The following EML6 variants were observed in gnomAD, a reference collection of about 807,000 sequenced individuals.
EML6 encodes echinoderm microtubule-associated protein-like 6.
In EML6, 154 loss-of-function variants were observed where a neutral mutation model predicts 240.1. The observed-to-expected ratio is 0.64, with a 90% CI of 0.56 to 0.73. EML6 has a LOEUF of 0.73. EML6 is among the 30% of genes least tolerant of loss of function. The pLI is 0.00. For missense variants in EML6, 2,964 were observed against 2,474.6 expected, an observed-to-expected ratio of 1.20 and a Z score of -4.20; for synonymous variants, 1,148 against 899.0, an observed-to-expected ratio of 1.28 and a Z score of -4.95.
intron 22 of EML6, among the ~76,000 whole-genome samples, chr2:54,902,144 A>G (rs1426332723): frequency 4.0e-5 from 6 of 150,422 alleles, no homozygotes; most frequent in Non-Finnish European, 8.9e-5. Context: ...AGCAAGTTGT[A>G]TGTAAGGCTT....
At chr2:54,918,056 T>G (rs1425309051) in intron 26 of EML6, among the ~76,000 whole-genome samples, 2 of 152,222 alleles carry the variant, frequency 1.3e-5, no homozygotes, top group Non-Finnish European at 2.9e-5. Flanking sequence ...ATCTCAAAAA[T>G]GTTCAGATTA....
intron 11 of EML6, among the ~76,000 whole-genome samples, chr2:54,855,204 G>A (rs1670307309): frequency 6.6e-6 from 1 of 152,172 alleles, no homozygotes; most frequent in African/African-American, 2.4e-5. Flanking sequence ...AGGCTACACA[G>A]GAAGTATGAT....
At chr2:54,931,529 G>A (rs773637791) in intron 28 of EML6, among the ~76,000 whole-genome samples, 31 of 152,210 alleles carry the variant, frequency 2.0e-4, no homozygotes, top group Non-Finnish European at 3.2e-4. Flanking sequence ...AATCAGGGCC[G>A]TTGCCCAGCA....
chr2:54,961,807 C>T (rs932502939), intron 35 of EML6, among the ~76,000 whole-genome samples: 1 of 151,750 alleles, frequency 6.6e-6, no homozygotes, highest in African/African-American at 2.4e-5. Context: ...GAGTTCGAGA[C>T]CACCTGGCCA....
chr2:54,954,136 C>T lies in EML6; in HGVS notation c.4466C>T (p.Thr1489Ile), dbSNP rs1480596000. The change falls in exon 32 of 42, where the codon ACT (threonine) becomes ATT (isoleucine). Residue 1489 changes from threonine (T) to isoleucine (I), a missense_variant. By Grantham distance (89) the Thr-to-Ile change is moderately conservative. Coordinates refer to ENST00000356458, the MANE Select transcript of EML6 (RefSeq NM_001039753.4). ...SVGVDPEHTI[T>I]VWRWQEGAKV... ...GGAGTGGACCCTGAGCACACCATCA[C>T]TGTCTGGCGATGGCAGGAAGGTAAA... 6.4e-7 allele frequency: 1 copy of T among 1,551,298 alleles called. No homozygotes were observed. Among genetic ancestry groups the T allele is most frequent in the Admixed American group, 2.0e-5 (1 of 50,946 alleles).
intron 16 of EML6, among the ~76,000 whole-genome samples, chr2:54,876,711 TTAAC>T (rs1356268654): frequency 6.6e-6 from 1 of 152,220 alleles, no homozygotes; most frequent in Non-Finnish European, 1.5e-5. Flanking sequence ...CTGTTTATAA[TTAAC>T]ACATAATTGC....
At chr2:54,804,249 TTTAA>T (rs1670345962) in intron 2 of EML6, among the ~76,000 whole-genome samples, 1 of 152,250 alleles carries the variant, frequency 6.6e-6, no homozygotes, top group Non-Finnish European at 1.5e-5. Flanking sequence ...GACTGGCATA[TTTAA>T]TTATCCTAAA....
At chr2:54,962,961 T>G (rs1676588342) in intron 36 of EML6, among the ~76,000 whole-genome samples, 1 of 152,246 alleles carries the variant, frequency 6.6e-6, no homozygotes. Flanking sequence ...AAATCATGTT[T>G]TCCCTGGATG....
At chr2:54,797,166 A>AAAAAAAAAAAAAAAAAAAAAAAAAAC (rs1669837148) in intron 2 of EML6, among the ~76,000 whole-genome samples, 1 of 100,400 alleles carries the variant, frequency 1.0e-5, no homozygotes, top group Non-Finnish European at 2.3e-5. Context: ...CTCCATCTCA[A>AAAAAAAAAAAAAAAAAAAAAAAAAAC]AAAAAAAAAA....
At position 54,856,143 on chromosome 2, in the gene EML6, G is replaced by A. The variant is rs1037250603; in HGVS notation, c.1657+2288G>A. 5.9e-5 allele frequency among the ~76,000 whole-genome samples: 9 copies of A among 152,142 alleles called. No individual in the cohort carries two copies. In the South Asian group the frequency reaches 6.2e-4, roughly 11 times the overall value. ...ATGACTGCTACTGTACTATGTTTAC[G>A]TAGCCAAACCAATTTGTTTTTCTCA... is the stretch of plus-strand genomic sequence containing the variant. On this transcript the variant is annotated intron_variant, in intron 11 of 41. Transcript: ENST00000356458.
chr2:54,818,162 A>T (rs1668162010), intron 4 of EML6, among the ~76,000 whole-genome samples: 1 of 152,240 alleles, frequency 6.6e-6, no homozygotes, highest in African/African-American at 2.4e-5. Context: ...TGGAAAAAGT[A>T]GAAAACTAAA....
intron 2 of EML6, among the ~76,000 whole-genome samples, chr2:54,781,607 A>C (rs1239491822): frequency 1.3e-5 from 2 of 152,204 alleles, no homozygotes; most frequent in Admixed American, 1.3e-4. Flanking sequence ...AATACTAAAA[A>C]ACATACAAGT....
chr2:54,895,959 C>T (rs1672740176), intron 21 of EML6, among the ~76,000 whole-genome samples: 1 of 152,208 alleles, frequency 6.6e-6, no homozygotes, highest in Admixed American at 6.5e-5. Flanking sequence ...GGAATCATAA[C>T]ATTCCATTGC....
At chr2:54,840,117 G>A (rs1201885611) in intron 7 of EML6, among the ~76,000 whole-genome samples, 1 of 152,136 alleles carries the variant, frequency 6.6e-6, no homozygotes, top group Non-Finnish European at 1.5e-5. Context: ...AATCCTTTCT[G>A]TAATAAAGCA....
chr2:54,944,400 G>C (rs1275205198), intron 28 of EML6, among the ~76,000 whole-genome samples: 4 of 152,270 alleles, frequency 2.6e-5, no homozygotes, highest in Non-Finnish European at 5.9e-5. Flanking sequence ...ATGACAAAGT[G>C]CTGTGAAGTC....
At chr2:54,766,791 A>G (rs1668203906) in intron 2 of EML6, among the ~76,000 whole-genome samples, 1 of 152,140 alleles carries the variant, frequency 6.6e-6, no homozygotes, top group South Asian at 2.1e-4. Flanking sequence ...TTTTGAATAT[A>G]TATGTCCTTT....
chr2:54,846,542 A>G (rs1669765178), intron 8 of EML6, among the ~76,000 whole-genome samples: 1 of 148,454 alleles, frequency 6.7e-6, no homozygotes, highest in Non-Finnish European at 1.5e-5. Context: ...GGAGTGTAGT[A>G]GTATGAACAT....
At chr2:54,846,096 G>A (rs186906105) in intron 8 of EML6, among the ~76,000 whole-genome samples, 1 of 152,138 alleles carries the variant, frequency 6.6e-6, no homozygotes, top group African/African-American at 2.4e-5. Flanking sequence ...AGCTGCAATT[G>A]CCCCTCGTTT....
chr2:54,748,948 T>G (rs551953063), intron 2 of EML6, among the ~76,000 whole-genome samples: 36 of 152,334 alleles, frequency 2.4e-4, no homozygotes, highest in African/African-American at 8.7e-4. Context: ...TTGTTGACTA[T>G]TATGAACACT....
Sources: gnomAD v4.1 joint callset for allele counts (sites outside exome capture counted in the v4.1 genomes callset) on GRCh38, gnomAD v4.1.1 for gene constraint, MANE v1.5 for transcripts, NCBI Gene and HGNC (gene_info 2026-07-23, HGNC 2026-07-21) for gene names.